Variants in CLEC4C observed in about 807,000 individuals in gnomAD.
CLEC4C encodes C-type (calcium dependent, carbohydrate-recognition domain) lectin, superfamily member 11.
CLEC4C carries 17 observed loss-of-function variants against 27.7 expected under a neutral mutation model. The ratio of observed to expected loss-of-function variants is 0.61; its 90% confidence interval spans 0.42 to 0.92. CLEC4C has a LOEUF of 0.92. CLEC4C is among the 40% of genes least tolerant of loss of function. The probability of loss-of-function intolerance (pLI) is 0.00; values close to 1 mark genes in which losing one functional copy is unlikely to be tolerated. For synonymous variants in CLEC4C, 80 were observed against 80.8 expected (o/e 0.99, Z 0.06); for missense variants, 244 against 257.3 (o/e 0.95, Z 0.35).
chr12:7,732,392 G>A (rs1163008842), intron 4 of CLEC4C, among the ~76,000 whole-genome samples: 6 of 139,776 alleles, frequency 4.3e-5, no homozygotes, highest in South Asian at 4.6e-4. Context: ...TCACTCTGTC[G>A]CCAGGCTGGA....
At position 7,730,875 on chromosome 12, in the gene CLEC4C, TAAG is replaced by T. The variant is rs778835178; in HGVS notation, c.416_418del (p.Ser139del). 5.7e-5 allele frequency: 91 copies of T among 1,607,454 alleles called. No homozygotes were observed. Among genetic ancestry groups the T allele is most frequent in the African/African-American group, 6.7e-5 (5 of 74,814 alleles). On this transcript the variant is annotated inframe_deletion, in exon 5 of 6. Coordinates refer to ENST00000360345, the MANE Select transcript of CLEC4C (RefSeq NM_001371390.1). ...CCCTGGATCTGACAGCCCCAGAAAA[TAAG>T]AAGAATTTCTTTTCAGATTCTGAAT...
Position 7,741,316 on chromosome 12 carries a change from A to G in CLEC4C, c.235+105T>C. On this transcript the variant is annotated intron_variant, in intron 3 of 5. Coordinates refer to ENST00000360345, the MANE Select transcript of CLEC4C (RefSeq NM_001371390.1). ...TAGATAGTTAAAGAATGCAGTAGGAAAAACCAGGCTGCAGTTGATAATTTT... is the reference window on the plus strand; with the variant it reads ...TAGATAGTTAAAGAATGCAGTAGGAGAAACCAGGCTGCAGTTGATAATTTT... The G allele has an allele frequency of 5.7e-6, 4 of 705,640 alleles. No individual in the cohort carries two copies. In the South Asian group the frequency reaches 6.5e-5, roughly 12 times the overall value. The allele number at this position is 705,640 out of a possible 1,614,324, so 43.7% of individuals were successfully genotyped here.
chr12:7,730,865 C>T lies in CLEC4C; in HGVS notation c.429G>A (p.Gly143=). The change falls in exon 5 of 6, where the codon GGG becomes GGA. Residue 143 remains glycine, a synonymous_variant. Transcript: ENST00000360345. ...NLKRNSSYFL[G]LSDPGGRRHW... The stretch of plus-strand genomic sequence containing the variant: ...GTCGCCGACCCCCTGGATCTGACAG[C>T]CCCAGAAAATAAGAAGAATTTCTTT... 1 of 1,609,342 alleles carries T rather than the reference C, an allele frequency of 6.2e-7. No homozygotes were observed. Among genetic ancestry groups the T allele is most frequent in the East Asian group, 2.2e-5 (1 of 44,804 alleles).
intron 2 of CLEC4C, 122 bp from the exon 3 acceptor site, chr12:7,741,653 C>T (rs965553191): frequency 1.0e-5 from 6 of 584,060 alleles, no homozygotes; most frequent in African/African-American, 5.5e-5. Context: ...TTTAGGAGGC[C>T]GAGGTGGGAG....
chr12:7,741,341 T>C (rs1864849483), intron 3 of CLEC4C, 80 bp downstream of exon 3: 1 of 800,838 alleles, frequency 1.2e-6, no homozygotes. Flanking sequence ...TTGATAATTT[T>C]AGTGCTGAAG....
At chr12:7,737,979 C>T (rs1300490810) in intron 3 of CLEC4C, among the ~76,000 whole-genome samples, 1 of 152,118 alleles carries the variant, frequency 6.6e-6, no homozygotes, top group Non-Finnish European at 1.5e-5. Context: ...CCAGGCCCTG[C>T]TTTAAACCCA....
At chr12:7,734,488 C>T (rs1334586687) in intron 4 of CLEC4C, among the ~76,000 whole-genome samples, 1 of 151,862 alleles carries the variant, frequency 6.6e-6, no homozygotes, top group Non-Finnish European at 1.5e-5. Flanking sequence ...AGGACTTGTG[C>T]CAAGGCATGT....
At chr12:7,731,176 C>A (rs1335718535) in intron 4 of CLEC4C, among the ~76,000 whole-genome samples, 3 of 152,100 alleles carry the variant, frequency 2.0e-5, no homozygotes, top group Admixed American at 2.0e-4. Flanking sequence ...AAACAGTGGG[C>A]CTTAATAAGC....
intron 5 of CLEC4C, 31 bp downstream of exon 5, chr12:7,730,765 AC>A (rs753711056): frequency 9.1e-7 from 1 of 1,096,878 alleles, no homozygotes; most frequent in Non-Finnish European, 1.4e-6. Context: ...CATGATCAGG[AC>A]CCAGTGTCCT....
At chr12:7,746,942 A>G (rs1305930708) in intron 1 of CLEC4C, among the ~76,000 whole-genome samples, 1 of 152,118 alleles carries the variant, frequency 6.6e-6, no homozygotes, top group African/African-American at 2.4e-5. Flanking sequence ...CTCCTGCCTC[A>G]GCCTCCCAAG....
Position 7,746,400 on chromosome 12 carries a change from A to G in CLEC4C, c.55T>C (p.Leu19=), listed in dbSNP as rs771639774. The stretch of plus-strand genomic sequence containing the variant: ...ACGACTGCCATGGACCAGACCTTCA[A>G]CTGGAACCACCAGAGTCCTTTCTCT... The part of the protein sequence containing the change: ...DREKGLWWFQ[L]KVWSMAVVSI... The change falls in exon 2 of 6, where the codon TTG becomes CTG. Residue 19 remains leucine (L), a synonymous_variant. Transcript: ENST00000360345. 1.4e-5 allele frequency: 23 copies of G among 1,613,194 alleles called. No homozygotes were observed. The East Asian group carries it at 1.6e-4, about 11-fold the overall frequency.
chr12:7,729,542 C>CTTTCTA lies in CLEC4C; in HGVS notation c.*48_*53dup. 1.9e-6 allele frequency: 3 copies of CTTTCTA among 1,542,668 alleles called. No individual in the cohort carries two copies. Among genetic ancestry groups the CTTTCTA allele is most frequent in the Non-Finnish European group, 1.8e-6 (2 of 1,132,578 alleles). ...CACATAAATTAAAAAATCAATTTAG[C>CTTTCTA]TTTCTACAACGGTGGATGCCAACCC... On this transcript the variant is annotated 3_prime_UTR_variant, in exon 6 of 6. Transcript: ENST00000360345.
rs117441468 is a variant in CLEC4C, at chr12:7,743,674, T to C, written c.125-2143A>G. Among the ~76,000 whole-genome samples, 157 of 152,274 alleles carry C rather than the reference T, an allele frequency of 1.0e-3. 1 individual carries two copies. The highest frequency in any genetic ancestry group is 7.8e-3 in the Admixed American group (119 of 15,278). ...ACCACGCCCGGCCTTAATTCTTTAT[T>C]CATGTATTTCATCATTCTGATTTTG... On this transcript the variant is annotated intron_variant, in intron 2 of 5. Coordinates refer to ENST00000360345, the MANE Select transcript of CLEC4C (RefSeq NM_001371390.1).
chr12:7,737,277 G>T (rs1308452946), intron 4 of CLEC4C, 152 bp downstream of exon 4: 2 of 629,830 alleles, frequency 3.2e-6, no homozygotes, highest in Non-Finnish European at 5.1e-6. Flanking sequence ...CCAGATTAAG[G>T]AGATTTTCCT....
chr12:7,742,088 GA>G (rs1488250540), intron 2 of CLEC4C, among the ~76,000 whole-genome samples: 1 of 152,086 alleles, frequency 6.6e-6, no homozygotes, highest in Non-Finnish European at 1.5e-5. Flanking sequence ...GCTGAGGCAG[GA>G]AAATCACTTG....
chr12:7,730,640 A>G (rs983629129), intron 5 of CLEC4C, 157 bp downstream of exon 5: 5 of 104,038 alleles, frequency 4.8e-5, no homozygotes, highest in Non-Finnish European at 1.1e-4. Flanking sequence ...ACTCTTGTCT[A>G]AAAAAAAAAA....
intron 3 of CLEC4C, among the ~76,000 whole-genome samples, chr12:7,738,501 A>C (rs1294290993): frequency 6.6e-6 from 1 of 152,162 alleles, no homozygotes; most frequent in East Asian, 1.9e-4. Flanking sequence ...ACCAAAATAA[A>C]TATTTAAAAA....
intron 4 of CLEC4C, among the ~76,000 whole-genome samples, chr12:7,737,091 C>T (rs1439870633): frequency 3.3e-5 from 5 of 151,808 alleles, no homozygotes; most frequent in East Asian, 3.9e-4. Context: ...ATTAGCCAGG[C>T]GTGGCGGTAC....
chr12:7,749,071 T>C (rs1865047074), upstream of CLEC4C: 1 of 152,294 alleles, frequency 6.6e-6, no homozygotes, highest in Middle Eastern at 3.4e-3. Context: ...CACCCGACAC[T>C]GGACAGATAA....
Sources: gnomAD v4.1 joint callset for allele counts (sites outside exome capture counted in the v4.1 genomes callset) on GRCh38, gnomAD v4.1.1 for gene constraint, MANE v1.5 for transcripts, NCBI Gene and HGNC (gene_info 2026-07-23, HGNC 2026-07-21) for gene names.